The following STAC variants were observed in gnomAD, a reference collection of about 807,000 sequenced individuals.
The protein encoded by STAC is SH3 and cysteine-rich domain-containing protein.
Under a neutral mutation model 48.8 loss-of-function variants are expected in STAC, and 43 were observed. That is an observed-to-expected ratio of 0.88 (90% CI 0.69 to 1.14). The LOEUF (loss-of-function observed/expected upper bound fraction) is 1.14, where lower values mean the gene tolerates loss of function less well. Ranked by LOEUF, STAC falls within the 50% of genes most tolerant of loss-of-function variation. STAC has a pLI of 0.00. For missense variants in STAC, 497 were observed against 504.0 expected (o/e 0.99, Z 0.13); for synonymous variants, 193 against 179.5 (o/e 1.07, Z -0.60).
intron 1 of STAC, among the ~76,000 whole-genome samples, chr3:36,438,980 C>G (rs1336535654): frequency 6.6e-6 from 1 of 152,086 alleles, no homozygotes; most frequent in Non-Finnish European, 1.5e-5. Flanking sequence ...AATAGTTCCC[C>G]AAAAAGCAGA....
chr3:36,421,341 T>G (rs1464683944), intron 1 of STAC, among the ~76,000 whole-genome samples: 1 of 152,198 alleles, frequency 6.6e-6, no homozygotes, highest in African/African-American at 2.4e-5. Context: ...ATATTGTACC[T>G]TTTAAAATAA....
chr3:36,429,376 C>T (rs1575192610), intron 1 of STAC, among the ~76,000 whole-genome samples: 1 of 152,148 alleles, frequency 6.6e-6, no homozygotes, highest in Admixed American at 6.5e-5. Flanking sequence ...ACATGAGGGG[C>T]GCCAGAGCAG....
intron 1 of STAC, among the ~76,000 whole-genome samples, chr3:36,440,150 T>C (rs1696302944): frequency 6.6e-6 from 1 of 152,230 alleles, no homozygotes; most frequent in Non-Finnish European, 1.5e-5. Context: ...CTTTTTTGTA[T>C]GGCTCCCTGA....
chr3:36,428,104 TAGTTCTGCTCA>T (rs573783725), intron 1 of STAC, among the ~76,000 whole-genome samples: 1 of 152,352 alleles, frequency 6.6e-6, no homozygotes, highest in South Asian at 2.1e-4. Flanking sequence ...AAGGTGTTAT[TAGTTCTGCTCA>T]AGTTCTGCTC....
chr3:36,411,087 C>A (rs1195146962), intron 1 of STAC, among the ~76,000 whole-genome samples: 2 of 152,136 alleles, frequency 1.3e-5, no homozygotes, highest in Admixed American at 6.5e-5. Flanking sequence ...CTATAGAAAC[C>A]AAAAAACCTG....
At position 36,486,261 on chromosome 3, in the gene STAC, C is replaced by T. The variant is rs767393912; in HGVS notation, c.687+12C>T. On this transcript the variant is annotated intron_variant, in intron 5 of 10. Coordinates refer to ENST00000273183, the MANE Select transcript of STAC (RefSeq NM_003149.3). The stretch of plus-strand genomic sequence containing the variant: ...CTCACAGAACCTCTGTAATTATCCT[C>T]TTCCTTCCTCGGTTTGTCTGTGGTG... 7 of 1,609,480 alleles carry T rather than the reference C, an allele frequency of 4.3e-6. No individual in the cohort carries two copies. In the East Asian group the frequency reaches 1.6e-4, roughly 36 times the overall value.
At chr3:36,389,360 G>A (rs1282820335) in intron 1 of STAC, among the ~76,000 whole-genome samples, 1 of 152,048 alleles carries the variant, frequency 6.6e-6, no homozygotes, top group Non-Finnish European at 1.5e-5. Context: ...ATGGTGGAAG[G>A]GGCAAGGTAG....
Position 36,453,067 on chromosome 3 carries a change from G to A in STAC, c.388+9427G>A, listed in dbSNP as rs974309171. Among the ~76,000 whole-genome samples, 21 of 152,258 alleles carry A rather than the reference G, an allele frequency of 1.4e-4. 1 individual carries two copies. Among genetic ancestry groups the A allele is most frequent in the Admixed American group, 1.3e-4 (2 of 15,292 alleles). ...TTGGGTACCAGTTTGTGGAAGTTGG[G>A]AAGCCAAAGGAACTGTTGGAGTCTA... On this transcript the variant is annotated intron_variant, in intron 2 of 10. Coordinates refer to ENST00000273183, the MANE Select transcript of STAC (RefSeq NM_003149.3).
intron 2 of STAC, among the ~76,000 whole-genome samples, chr3:36,453,011 A>G (rs1696728034): frequency 1.3e-5 from 2 of 152,178 alleles, no homozygotes; most frequent in African/African-American, 4.8e-5. Flanking sequence ...CTAAAGCCAA[A>G]TTGCTAATGG....
At chr3:36,522,555 T>C (rs79092526) in intron 8 of STAC, among the ~76,000 whole-genome samples, 17,032 of 152,222 alleles carry the variant, frequency 0.11, 1,145 homozygotes, top group Non-Finnish European at 0.15. Flanking sequence ...TTTATAAACA[T>C]TCAGAAAATA....
rs1304165328 is a variant in STAC at position 36,428,403 on chromosome 3, T to TA, written c.112-14955dup. On this transcript the variant is annotated intron_variant, in intron 1 of 10. Transcript: ENST00000273183. ...AATATCTGGATGTCAGAAAGAACAA[T>TA]AAAAAACAAATAGTCCAAAATATTA... Among the ~76,000 whole-genome samples the TA allele has an allele frequency of 3.9e-5, 6 of 152,134 alleles. No individual in the cohort carries two copies. In the East Asian group the frequency reaches 1.2e-3, roughly 29 times the overall value.
chr3:36,492,244 A>G (rs1698007693), intron 5 of STAC, among the ~76,000 whole-genome samples: 2 of 151,484 alleles, frequency 1.3e-5, no homozygotes, highest in Middle Eastern at 3.4e-3. Context: ...CCATGGAGTA[A>G]AACTCCTGTG....
intron 8 of STAC, among the ~76,000 whole-genome samples, chr3:36,520,555 C>A (rs539423500): frequency 3.3e-5 from 5 of 152,156 alleles, no homozygotes; most frequent in African/African-American, 1.2e-4. Flanking sequence ...CTTGGTGTCT[C>A]GTTTCTATTC....
chr3:36,476,275 T>G (rs1697491224), intron 2 of STAC, among the ~76,000 whole-genome samples: 1 of 152,174 alleles, frequency 6.6e-6, no homozygotes, highest in African/African-American at 2.4e-5. Flanking sequence ...GATGTCCTGT[T>G]GTAATAGGTG....
intron 1 of STAC, among the ~76,000 whole-genome samples, chr3:36,420,753 T>A (rs1031867797): frequency 3.9e-5 from 6 of 152,232 alleles, no homozygotes; most frequent in African/African-American, 1.2e-4. Context: ...TTGTGTTTTG[T>A]TACTACAATT....
intron 1 of STAC, among the ~76,000 whole-genome samples, chr3:36,439,451 G>A (rs755593951): frequency 6.6e-6 from 1 of 152,162 alleles, no homozygotes; most frequent in South Asian, 2.1e-4. Context: ...GACATGAGTA[G>A]TCAATTTATT....
chr3:36,425,007 A>G (rs1700530762), intron 1 of STAC, among the ~76,000 whole-genome samples: 1 of 152,188 alleles, frequency 6.6e-6, no homozygotes, highest in South Asian at 2.1e-4. Flanking sequence ...GCAAAAATTC[A>G]TTAATGGATG....
chr3:36,390,451 C>CTTTTTTTTTTTTTTTTTTTTTTT (rs59589769), intron 1 of STAC, among the ~76,000 whole-genome samples: 58 of 80,834 alleles, frequency 7.2e-4, no homozygotes, highest in Non-Finnish European at 9.8e-4. Flanking sequence ...TTTTTCTTTT[C>CTTTTTTTTTTTTTTTTTTTTTTT]TTTTTTTTTT....
Position 36,492,559 on chromosome 3 carries a change from T to C in STAC, c.688-592T>C, listed in dbSNP as rs182263964. ...TACATGGTAAGTGATCAGGAAGCAT[T>C]AGCTATTTAGAGTGTGTTATTGTTA... On this transcript the variant is annotated intron_variant, in intron 5 of 10. Transcript: ENST00000273183. 7.9e-5 allele frequency among the ~76,000 whole-genome samples: 12 copies of C among 152,330 alleles called. No homozygotes were observed. In the East Asian group the frequency reaches 2.3e-3, roughly 29 times the overall value.
Sources: gnomAD v4.1 joint callset for allele counts (sites outside exome capture counted in the v4.1 genomes callset) on GRCh38, gnomAD v4.1.1 for gene constraint, MANE v1.5 for transcripts, NCBI Gene and HGNC (gene_info 2026-07-23, HGNC 2026-07-21) for gene names.